Variants in WWP2 observed in about 807,000 individuals in gnomAD.
The protein encoded by WWP2 is WW domain containing E3 ubiquitin protein ligase 2, also known as NEDD4-like E3 ubiquitin-protein ligase WWP2.
WWP2 carries 57 observed loss-of-function variants against 121.0 expected under a neutral mutation model. That is an observed-to-expected ratio of 0.47 (90% CI 0.38 to 0.59). The LOEUF is 0.59. Ranked by LOEUF, WWP2 falls within the 20% of genes least tolerant of loss-of-function variation. The probability of loss-of-function intolerance (pLI) is 0.00; values close to 1 mark genes in which losing one functional copy is unlikely to be tolerated. For synonymous variants in WWP2, 449 were observed against 441.3 expected, an observed-to-expected ratio of 1.02 and a Z score of -0.22; for missense variants, 962 against 1,158.9, an observed-to-expected ratio of 0.83 and a Z score of 2.47.
At chr16:69,824,767 C>CTTTTTTTTTTTTTTTTTTTTTTTTTTTTT (rs34154307) in intron 4 of WWP2, among the ~76,000 whole-genome samples, 1 of 82,754 alleles carries the variant, frequency 1.2e-5, no homozygotes, top group Non-Finnish European at 2.2e-5. Context: ...GCACCTGTGG[C>CTTTTTTTTTTTTTTTTTTTTTTTTTTTTT]TTTTTTTTTT....
At chr16:69,866,333 TC>T in intron 6 of WWP2, among the ~76,000 whole-genome samples, 1 of 151,798 alleles carries the variant, frequency 6.6e-6, no homozygotes, top group Admixed American at 6.6e-5. Flanking sequence ...GACGGAGTCT[TC>T]CTACATTGCC....
Position 69,937,434 on chromosome 16 carries a change from A to C in WWP2, c.2239-114A>C. 7.3e-7 allele frequency: 1 copy of C among 1,361,708 alleles called. No individual in the cohort carries two copies. Among genetic ancestry groups the C allele is most frequent in the Non-Finnish European group, 1.0e-6 (1 of 980,654 alleles). The allele number at this position is 1,361,708 out of a possible 1,614,324, so 84.4% of individuals were successfully genotyped here. The stretch of plus-strand genomic sequence containing the variant: ...GGGACTTACATTACCCATATTATTA[A>C]CGCTGACACCAAAAATAGCTAGTTG... On this transcript the variant is annotated intron_variant, in intron 20 of 23. Transcript: ENST00000359154. This position sits in a 1 kb window ranked among gnomAD's most constrained non-coding sequence, Gnocchi z 6.6.
At chr16:69,762,673 G>A (rs2038640494) in intron 1 of WWP2, among the ~76,000 whole-genome samples, 1 of 152,172 alleles carries the variant, frequency 6.6e-6, no homozygotes, top group Non-Finnish European at 1.5e-5. Flanking sequence ...CCCGGAAGGG[G>A]AGAGGAGCTT....
rs1567445620 is a variant in WWP2, at chr16:69,935,825, C to A, written c.1843-28C>A. On this transcript the variant is annotated intron_variant, in intron 17 of 23. Transcript: ENST00000359154. This position sits in a 1 kb window ranked among gnomAD's most constrained non-coding sequence, Gnocchi z 5.2. ...TTGGCAGTGCCCAGGGAAGGCCAAA[C>A]CTCTGTGCTGTGCCTCTTCCTTCCC... The A allele has an allele frequency of 6.2e-7, 1 of 1,600,438 alleles. No individual in the cohort carries two copies. The highest frequency in any genetic ancestry group is 1.7e-5 in the Admixed American group (1 of 58,480).
At chr16:69,874,942 A>C (rs2057709450) in intron 7 of WWP2, among the ~76,000 whole-genome samples, 1 of 152,010 alleles carries the variant, frequency 6.6e-6, no homozygotes, top group Admixed American at 6.6e-5. Context: ...GGATCGTTTG[A>C]GCCTAGGAGG....
chr16:69,866,182 G>A (rs2057518846), intron 6 of WWP2, among the ~76,000 whole-genome samples: 1 of 152,024 alleles, frequency 6.6e-6, no homozygotes, highest in Non-Finnish European at 1.5e-5. Context: ...GGACTGTCCT[G>A]TCATTTTTTT....
At position 69,925,572 on chromosome 16, in the gene WWP2, C is replaced by T. The variant is rs528751956; in HGVS notation, c.1234+88C>T. ...CTCCCGCGTGTCTTCCTTCCCTGTT[C>T]CTGTCCCTCTGTTTTCCATCTCTCC... is the stretch of plus-strand genomic sequence containing the variant. On this transcript the variant is annotated intron_variant, in intron 11 of 23. Transcript: ENST00000359154. The surrounding 1 kb of genome is among the most constrained non-coding windows in gnomAD (Gnocchi z 4.0). 1.8e-5 allele frequency: 27 copies of T among 1,507,324 alleles called. No individual in the cohort carries two copies. The East Asian group carries it at 6.2e-4, about 35-fold the overall frequency. 93.4% of individuals were successfully genotyped at this position (1,507,324 alleles called of 1,614,324 possible). A position where few individuals can be genotyped will look rare whatever the true frequency, so the allele number is the denominator to read the frequency against.
rs2152005757 is a variant in WWP2, at chr16:69,941,726, A to G, written c.*1786A>G. On this transcript the variant is annotated 3_prime_UTR_variant, in exon 24 of 24. Coordinates refer to ENST00000359154, the MANE Select transcript of WWP2 (RefSeq NM_001270454.2). ...ATATTGCCAGTTTCTTGTGCAATAA[A>G]CAATCAGCAGCTGTGGGTGGTGTTG... 1 of 153,702 alleles carries G rather than the reference A, an allele frequency of 6.5e-6. No homozygotes were observed. 9.5% of individuals were successfully genotyped at this position (153,702 alleles called of 1,614,324 possible).
chr16:69,784,142 C>A (rs117386658), intron 1 of WWP2, among the ~76,000 whole-genome samples: 1 of 137,674 alleles, frequency 7.3e-6, no homozygotes, highest in East Asian at 2.1e-4. Context: ...TGTCATCGCC[C>A]GGGCTGGAGT....
chr16:69,784,398 C>T (rs1435117999), intron 1 of WWP2, among the ~76,000 whole-genome samples: 1 of 152,146 alleles, frequency 6.6e-6, no homozygotes, highest in African/African-American at 2.4e-5. Flanking sequence ...CTGTGCCTGG[C>T]CGAAATTATT....
At chr16:69,849,328 A>C (rs535481914) in intron 6 of WWP2, among the ~76,000 whole-genome samples, 1 of 152,346 alleles carries the variant, frequency 6.6e-6, no homozygotes, top group East Asian at 1.9e-4. Context: ...TGAGGTGACT[A>C]AAGGCTGCTT....
At chr16:69,777,124 CAT>C (rs913833181) in intron 1 of WWP2, among the ~76,000 whole-genome samples, 35 of 150,112 alleles carry the variant, frequency 2.3e-4, no homozygotes, top group Non-Finnish European at 4.6e-4. Context: ...ATACAATACA[CAT>C]ATGGATATAT....
chr16:69,938,914 C>G, intron 21 of WWP2, 113 bp from the exon 22 acceptor site: 1 of 914,496 alleles, frequency 1.1e-6, no homozygotes, highest in Non-Finnish European at 1.7e-6. Flanking sequence ...GCCAACCTGG[C>G]TTTGTGTTCT....
chr16:69,778,192 A>ATT (rs57651000), intron 1 of WWP2, among the ~76,000 whole-genome samples: 17,863 of 125,426 alleles, frequency 0.14, 1,497 homozygotes, highest in Middle Eastern at 0.17. Flanking sequence ...ATATATATAT[A>ATT]TTTTTTTTTT....
chr16:69,933,258 C>T (rs2058745418), intron 16 of WWP2: 2 of 401,346 alleles, frequency 5.0e-6, no homozygotes, highest in South Asian at 3.7e-5. Context: ...GGGACATCCC[C>T]TTGCTGGTTT....
rs2058809680 is a variant in WWP2, at chr16:69,937,024, G to A, written c.2118-94G>A. 1.3e-6 allele frequency: 2 copies of A among 1,502,318 alleles called. No individual in the cohort carries two copies. Among genetic ancestry groups the A allele is most frequent in the African/African-American group, 2.8e-5 (2 of 72,648 alleles). The allele number at this position is 1,502,318 out of a possible 1,614,324, so 93.1% of individuals were successfully genotyped here. A position where few individuals can be genotyped will look rare whatever the true frequency, so the allele number is the denominator to read the frequency against. Reference sequence around the variant, plus strand: ...GTGCGAAGTGGGCTCTGCTGATCTGGTGGTCCTGCGCGGTAACGGCCACGC... The same window carrying A: ...GTGCGAAGTGGGCTCTGCTGATCTGATGGTCCTGCGCGGTAACGGCCACGC... On this transcript the variant is annotated intron_variant, in intron 19 of 23. Transcript: ENST00000359154. This position sits in a 1 kb window ranked among gnomAD's most constrained non-coding sequence, Gnocchi z 6.6.
At chr16:69,831,827 C>CTTT (rs548609220) in intron 4 of WWP2, among the ~76,000 whole-genome samples, 62 of 109,046 alleles carry the variant, frequency 5.7e-4, no homozygotes, top group African/African-American at 8.1e-4. Flanking sequence ...AAAACAAAAC[C>CTTT]TTTTTTTTTT....
intron 1 of WWP2, among the ~76,000 whole-genome samples, chr16:69,772,493 T>C (rs1057057586): frequency 1.3e-5 from 2 of 152,136 alleles, no homozygotes; most frequent in Non-Finnish European, 2.9e-5. Context: ...AAAACAGCTT[T>C]ATTGAGGCAG....
chr16:69,814,707 A>G (rs1323763422), intron 4 of WWP2, among the ~76,000 whole-genome samples: 1 of 152,256 alleles, frequency 6.6e-6, no homozygotes, highest in African/African-American at 2.4e-5. Context: ...TTCCAAGAAC[A>G]GACAGGCCAG....
Sources: allele counts gnomAD v4.1 joint callset (sites outside exome capture counted in the v4.1 genomes callset), GRCh38; gene constraint gnomAD v4.1.1; non-coding constraint Gnocchi (gnomAD v3.1); transcripts MANE v1.5; gene names NCBI Gene and HGNC (gene_info 2026-07-23, HGNC 2026-07-21).